The following PLEC variants were observed in gnomAD, a reference collection of about 807,000 sequenced individuals.
PLEC encodes the protein plectin, also known as hemidesmosomal protein 1.
A neutral mutation model predicts 392.8 loss-of-function variants in PLEC; 216 were observed. That is an observed-to-expected ratio of 0.55 (90% CI 0.49 to 0.62). The LOEUF (loss-of-function observed/expected upper bound fraction) is 0.62. Among genes scored for constraint, PLEC ranks in the 20% least tolerant of loss-of-function variants. PLEC has a pLI of 0.00. For missense variants in PLEC, 6,863 were observed against 6,563.4 expected, an observed-to-expected ratio of 1.05 and a Z score of -1.58; for synonymous variants, 3,621 against 2,980.6, an observed-to-expected ratio of 1.21 and a Z score of -7.00.
chr8:143,926,807 G>A lies in PLEC; in HGVS notation c.4021C>T (p.Leu1341=), dbSNP rs921052298. ...SQYIKFISET[L]RRMEEEERLA... is the part of the protein sequence containing the mutation. ...ACCTCCTCCTCCTCCATGCGCCGCA[G>A]AGTCTCGCTGATGAACTTGATGTAC... The change falls in exon 30 of 32, where the codon CTG becomes TTG. Residue 1341 remains leucine, a synonymous_variant. Transcript: ENST00000345136. 2 of 1,613,788 alleles carry A rather than the reference G, an allele frequency of 1.2e-6. No homozygotes were observed. Among genetic ancestry groups the A allele is most frequent in the Non-Finnish European group, 1.7e-6 (2 of 1,179,898 alleles).
Position 143,925,604 on chromosome 8 carries a change from G to A in PLEC, c.4325C>T (p.Ala1442Val), listed in dbSNP as rs782058696. ...EIQAKARQAE[A>V]AERSRLRIEE... ...GATGCGCAGCCGGCTGCGCTCAGCC[G>A]CCTCTGCCTGCCGGGCCTTGGCCTG... is the stretch of plus-strand genomic sequence containing the variant. Residue 1442 changes from alanine to valine, a missense_variant, in exon 31 of 32, where the codon GCG becomes GTG. Ala to Val is a moderately conservative substitution (Grantham distance 64). Coordinates refer to ENST00000345136, the MANE Select transcript of PLEC (RefSeq NM_201384.3). 2.6e-5 allele frequency: 41 copies of A among 1,580,536 alleles called. No individual in the cohort carries two copies. The highest frequency in any genetic ancestry group is 4.0e-5 in the African/African-American group (3 of 74,410).
Position 143,923,654 on chromosome 8 carries a change from TCCTCAGCCG to T in PLEC, c.6266_6274del (p.Ala2089_Glu2091del). The T allele has an allele frequency of 6.4e-7, 1 of 1,570,866 alleles. No homozygotes were observed. ...CGCCTGCACCCGGGCCTCCTCCGCCTCCTCAGCCGCCCGCCGGGCCGCCTCCGCCTCGCC... is the reference window on the plus strand; with the variant it reads ...CGCCTGCACCCGGGCCTCCTCCGCCTCCCGCCGGGCCGCCTCCGCCTCGCC... On this transcript the variant is annotated inframe_deletion, in exon 31 of 32. Coordinates refer to ENST00000345136, the MANE Select transcript of PLEC (RefSeq NM_201384.3).
At chr8:143,959,813 A>G (rs568161247) in intron 1 of PLEC, among the ~76,000 whole-genome samples, 16 of 151,898 alleles carry the variant, frequency 1.1e-4, no homozygotes, top group East Asian at 3.9e-4. Flanking sequence ...TGGCTAACAC[A>G]GTGAAACCCC....
chr8:143,922,547 T>C lies in PLEC; in HGVS notation c.7382A>G (p.Lys2461Arg), dbSNP rs1823209493. Residue 2461 changes from lysine (K) to arginine (R), a missense_variant, in exon 31 of 32, where the codon AAG becomes AGG. By Grantham distance (26) the Lys-to-Arg change is conservative. Coordinates refer to ENST00000345136, the MANE Select transcript of PLEC (RefSeq NM_201384.3). ...AIAELEREKE[K>R]LQQEAKLLQL... Reference sequence around the variant, plus strand: ...CAGCAGTTTGGCCTCCTGTTGGAGCTTCTCCTTCTCACGCTCCAGCTCAGC... The same window carrying C: ...CAGCAGTTTGGCCTCCTGTTGGAGCCTCTCCTTCTCACGCTCCAGCTCAGC... 21 of 1,612,882 alleles carry C rather than the reference T, an allele frequency of 1.3e-5. No individual in the cohort carries two copies. Among genetic ancestry groups the C allele is most frequent in the Non-Finnish European group, 1.6e-5 (19 of 1,179,976 alleles).
Position 143,916,437 on chromosome 8 carries a change from G to T in PLEC, c.13384C>A (p.Arg4462=), listed in dbSNP as rs781845444. The stretch of plus-strand genomic sequence containing the variant: ...GACTGCGCGGCAGCCTCCAGCAGCC[G>T]CAGCCCCGTGCCCTCCTCCACCATG... ...RSMVEEGTGL[R]LLEAAAQSTK... is the part of the protein sequence containing the mutation. Residue 4462 remains arginine (R), a synonymous_variant, in exon 32 of 32, where the codon CGG becomes AGG. Coordinates refer to ENST00000345136, the MANE Select transcript of PLEC (RefSeq NM_201384.3). 19 of 1,611,742 alleles carry T rather than the reference G, an allele frequency of 1.2e-5. No individual in the cohort carries two copies. The highest frequency in any genetic ancestry group is 1.6e-5 in the Non-Finnish European group (19 of 1,179,464).
intron 6 of PLEC, among the ~76,000 whole-genome samples, 184 bp downstream of exon 6, chr8:143,935,664 G>T (rs546467829): frequency 1.1e-3 from 171 of 152,306 alleles, no homozygotes; most frequent in Non-Finnish European, 2.1e-3. Flanking sequence ...AGATCAAGTG[G>T]TGGTGCTTCT....
Position 143,915,329 on chromosome 8 carries a change from A to C in PLEC, c.*848T>G, listed in dbSNP as rs1262876360. 1 of 152,380 alleles carries C rather than the reference A, an allele frequency of 6.6e-6. No homozygotes were observed. The highest frequency in any genetic ancestry group is 2.4e-5 in the African/African-American group (1 of 41,432). The allele number at this position is 152,380 out of a possible 1,614,324, so 9.4% of individuals were successfully genotyped here. ...GGCAGGGGTGGTCGCTGCTGAGACCAGGGCTGGGTGCAACAGGAGGGTCAG... is the reference window on the plus strand; with the variant it reads ...GGCAGGGGTGGTCGCTGCTGAGACCCGGGCTGGGTGCAACAGGAGGGTCAG... On this transcript the variant is annotated 3_prime_UTR_variant, in exon 32 of 32. Transcript: ENST00000345136.
At chr8:143,972,429 G>C (rs1188538365) in intron 1 of PLEC, among the ~76,000 whole-genome samples, 1 of 152,196 alleles carries the variant, frequency 6.6e-6, no homozygotes, top group African/African-American at 2.4e-5. Context: ...GCTGGAGGAC[G>C]CCTGAAGGAG....
chr8:143,929,636 C>G lies in PLEC; in HGVS notation c.2923+10G>C. On this transcript the variant is annotated intron_variant, in intron 23 of 31. Coordinates refer to ENST00000345136, the MANE Select transcript of PLEC (RefSeq NM_201384.3). ...ACCAGCCCAACCGCCCCAGCCCTGC[C>G]GTGCCCTACCCTGTTCCAGGCTCTG... is the stretch of plus-strand genomic sequence containing the variant. 6.2e-7 allele frequency: 1 copy of G among 1,607,102 alleles called. No homozygotes were observed. The highest frequency in any genetic ancestry group is 1.1e-5 in the South Asian group (1 of 91,050).
rs781967056 is a variant in PLEC at position 143,921,979 on chromosome 8, C to T, written c.7842G>A (p.Glu2614=). 1.6e-5 allele frequency: 25 copies of T among 1,598,664 alleles called. No homozygotes were observed. Among genetic ancestry groups the T allele is most frequent in the Non-Finnish European group, 2.0e-5 (24 of 1,179,782 alleles). The change falls in exon 32 of 32, where the codon GAG becomes GAA. Residue 2614 remains glutamate (E), a synonymous_variant. Coordinates refer to ENST00000345136, the MANE Select transcript of PLEC (RefSeq NM_201384.3). ...TGGCAGCCACCTGCGAGGCAGTGAC[C>T]TCCTCTGAGTGCGCCAGCGCGGCCC... ...QHRAALAHSE[E]VTASQVAATK...
chr8:143,967,656 G>A (rs748452274), intron 1 of PLEC, among the ~76,000 whole-genome samples: 1 of 152,178 alleles, frequency 6.6e-6, no homozygotes, highest in Non-Finnish European at 1.5e-5. Flanking sequence ...CATGGCAGCA[G>A]CTCACACCTG....
At chr8:143,964,012 C>T (rs1411774235) in intron 1 of PLEC, among the ~76,000 whole-genome samples, 1 of 152,030 alleles carries the variant, frequency 6.6e-6, no homozygotes, top group Non-Finnish European at 1.5e-5. Flanking sequence ...AAGGCTTCAC[C>T]ATGTTGGCCA....
Position 143,923,314 on chromosome 8 carries a change from C to T in PLEC, c.6615G>A (p.Leu2205=), listed in dbSNP as rs782796833. ...LEETDHQKNL[L]DEELQRLKAE... ...CCTTCAGCCGCTGCAGCTCCTCGTCCAGCAGGTTCTTCTGGTGGTCGGTCT... is the reference window on the plus strand; with the variant it reads ...CCTTCAGCCGCTGCAGCTCCTCGTCTAGCAGGTTCTTCTGGTGGTCGGTCT... The change falls in exon 31 of 32, where the codon CTG becomes CTA. Residue 2205 remains leucine, a synonymous_variant. Transcript: ENST00000345136. 26 of 1,609,672 alleles carry T rather than the reference C, an allele frequency of 1.6e-5. No homozygotes were observed. Among genetic ancestry groups the T allele is most frequent in the African/African-American group, 4.0e-5 (3 of 74,882 alleles).
upstream of PLEC, chr8:143,943,719 G>C: frequency 1.3e-6 from 2 of 1,489,412 alleles, no homozygotes; most frequent in Non-Finnish European, 9.2e-7. Flanking sequence ...ATGAAGGGGC[G>C]GGAGGCAGGC....
At chr8:143,967,545 A>C (rs1423749894) in intron 1 of PLEC, among the ~76,000 whole-genome samples, 1 of 152,074 alleles carries the variant, frequency 6.6e-6, no homozygotes, top group African/African-American at 2.4e-5. Flanking sequence ...GCCGAATACA[A>C]GTGTCCCTCG....
upstream of PLEC, among the ~76,000 whole-genome samples, chr8:143,951,454 C>G (rs933537619): frequency 1.3e-5 from 2 of 152,104 alleles, no homozygotes; most frequent in Admixed American, 6.5e-5. Flanking sequence ...CTGCTGCTGT[C>G]CATCAGGCGG....
chr8:143,927,567 C>A lies in PLEC; in HGVS notation c.3599G>T (p.Arg1200Leu), dbSNP rs533718480. ...AVLAQTDVRQRELEQLGRQLR... is the reference protein window; with the variant it reads ...AVLAQTDVRQLELEQLGRQLR... ...CTGGCGGCCCAGTTGCTCGAGCTCG[C>A]GCTGCCGCACGTCGGTCTGGGCCAG... Residue 1200 changes from arginine to leucine, a missense_variant, in exon 27 of 32, where the codon CGC becomes CTC. Transcript: ENST00000345136. 4 of 1,591,672 alleles carry A rather than the reference C, an allele frequency of 2.5e-6. No individual in the cohort carries two copies. Among genetic ancestry groups the A allele is most frequent in the South Asian group, 1.1e-5 (1 of 90,144 alleles).
At chr8:143,966,364 T>G (rs1425270202) in intron 1 of PLEC, among the ~76,000 whole-genome samples, 1 of 152,140 alleles carries the variant, frequency 6.6e-6, no homozygotes, top group Non-Finnish European at 1.5e-5. Flanking sequence ...AGCCCAGCAT[T>G]TCCTGCACCT....
intron 1 of PLEC, among the ~76,000 whole-genome samples, chr8:143,963,284 TA>T (rs1169605330): frequency 1.3e-5 from 2 of 152,336 alleles, no homozygotes; most frequent in African/African-American, 4.8e-5. Flanking sequence ...AAACATGTGC[TA>T]CCCTTTGAGA....
Sources: gnomAD v4.1 joint callset for allele counts (sites outside exome capture counted in the v4.1 genomes callset) on GRCh38, gnomAD v4.1.1 for gene constraint, MANE v1.5 for transcripts, NCBI Gene and HGNC (gene_info 2026-07-23, HGNC 2026-07-21) for gene names.